Variants in CHD6 observed in about 807,000 individuals in gnomAD.
CHD6 encodes ATP-dependent chromatin remodeler CHD6.
Under a neutral mutation model 276.9 loss-of-function variants are expected in CHD6, and 50 were observed. The observed-to-expected ratio is 0.18, with a 90% CI of 0.14 to 0.23. The LOEUF (loss-of-function observed/expected upper bound fraction) is 0.23. Among genes scored for constraint, CHD6 ranks in the 10% least tolerant of loss-of-function variants. The pLI is 1.00. For missense variants in CHD6, 2,564 were observed against 3,365.8 expected (o/e 0.76, Z 5.89); for synonymous variants, 1,173 against 1,229.3 (o/e 0.95, Z 0.96).
At chr20:41,600,211 G>GAATA (rs1482400208) in intron 1 of CHD6, among the ~76,000 whole-genome samples, 1 of 152,136 alleles carries the variant, frequency 6.6e-6, no homozygotes, top group Non-Finnish European at 1.5e-5. Flanking sequence ...AATGTGTACT[G>GAATA]AATAAATGAA....
At chr20:41,555,584 C>T (rs1334731595) in intron 1 of CHD6, among the ~76,000 whole-genome samples, 4 of 150,200 alleles carry the variant, frequency 2.7e-5, no homozygotes, top group Non-Finnish European at 5.9e-5. Flanking sequence ...ACGGGGCGGC[C>T]GGGCAGAGAC....
rs147643284 is a variant in CHD6 at position 41,470,071 on chromosome 20, C to A, written c.2664+3251G>T. ...GGGTGCAAGGGCAAATGCCAAGGGG[C>A]GTGGGAATGTGTGTGTTTGTGTGGG... On this transcript the variant is annotated intron_variant, in intron 17 of 36. Coordinates refer to ENST00000373233, the MANE Select transcript of CHD6 (RefSeq NM_032221.5). 5.6e-3 allele frequency among the ~76,000 whole-genome samples: 853 copies of A among 152,270 alleles called. 8 individuals carry two copies. The highest frequency in any genetic ancestry group is 0.024 in the Middle Eastern group (7 of 294).
chr20:41,544,567 T>C (rs2045004076), intron 2 of CHD6, among the ~76,000 whole-genome samples: 1 of 152,006 alleles, frequency 6.6e-6, no homozygotes, highest in Admixed American at 6.6e-5. Context: ...AGTGACGTAT[T>C]TGATAACATT....
chr20:41,606,316 C>T (rs1359670253), intron 1 of CHD6, among the ~76,000 whole-genome samples: 1 of 152,130 alleles, frequency 6.6e-6, no homozygotes, highest in East Asian at 1.9e-4. Context: ...TCAAGACCAC[C>T]CTGGCTAACA....
chr20:41,496,118 A>G (rs1436174590), intron 8 of CHD6, among the ~76,000 whole-genome samples: 1 of 152,222 alleles, frequency 6.6e-6, no homozygotes, highest in Non-Finnish European at 1.5e-5. Context: ...GGACTGTTCT[A>G]TTGGTGCAGT....
At position 41,452,122 on chromosome 20, in the gene CHD6, T is replaced by C; in HGVS notation, c.3324-97A>G. The C allele has an allele frequency of 1.1e-6, 1 of 950,222 alleles. No homozygotes were observed. Among genetic ancestry groups the C allele is most frequent in the Non-Finnish European group, 1.7e-6 (1 of 603,060 alleles). The allele number at this position is 950,222 out of a possible 1,614,324, so 58.9% of individuals were successfully genotyped here. Reference sequence around the variant, plus strand: ...GGAGAAACAAGAGCCATACATGCTTTTTGTTCTCTGTAGGTCTGTTAATCA... The same window carrying C: ...GGAGAAACAAGAGCCATACATGCTTCTTGTTCTCTGTAGGTCTGTTAATCA... On this transcript the variant is annotated intron_variant, in intron 21 of 36. Transcript: ENST00000373233. This position sits in a 1 kb window ranked among gnomAD's most constrained non-coding sequence, Gnocchi z 4.2.
intron 1 of CHD6, among the ~76,000 whole-genome samples, chr20:41,584,290 G>A (rs1006601942): frequency 6.6e-6 from 1 of 152,088 alleles, no homozygotes; most frequent in Admixed American, 6.5e-5. Flanking sequence ...AAGATATAAC[G>A]ATCCTTAATA....
intron 1 of CHD6, among the ~76,000 whole-genome samples, chr20:41,595,227 A>G (rs2045705824): frequency 6.6e-6 from 1 of 152,180 alleles, no homozygotes; most frequent in African/African-American, 2.4e-5. Context: ...GCACAGACCA[A>G]TGTAAGAAAA....
intron 1 of CHD6, among the ~76,000 whole-genome samples, chr20:41,585,511 C>CAAAA (rs60920576): frequency 1.1e-4 from 8 of 74,206 alleles, no homozygotes; most frequent in Non-Finnish European, 2.2e-4. Context: ...TCCGTCTCAC[C>CAAAA]AAAAAAAAAA....
chr20:41,423,645 C>T lies in CHD6; in HGVS notation c.4402G>A (p.Val1468Ile), dbSNP rs140200067. ...FYRTVSSFGVVYDQEKKTFDW... is the reference protein window; with the variant it reads ...FYRTVSSFGVIYDQEKKTFDW... Reference sequence around the variant, plus strand: ...AAGGTTTTCTTTTCTTGATCGTAAACAACACCAAAGGAAGACACTGTTCTA... The same window carrying T: ...AAGGTTTTCTTTTCTTGATCGTAAATAACACCAAAGGAAGACACTGTTCTA... Residue 1468 changes from valine to isoleucine, a missense_variant, in exon 30 of 37, where the codon GTT (valine) becomes ATT (isoleucine). By Grantham distance (29) the Val-to-Ile change is conservative. Around this residue, in one of 7 missense-constraint regions of CHD6, gnomAD observed 515 missense variants for 739.5 expected, o/e 0.70. Coordinates refer to ENST00000373233, the MANE Select transcript of CHD6 (RefSeq NM_032221.5). 1.9e-6 allele frequency: 3 copies of T among 1,614,194 alleles called. No homozygotes were observed. Among genetic ancestry groups the T allele is most frequent in the Non-Finnish European group, 2.5e-6 (3 of 1,180,030 alleles).
intron 2 of CHD6, among the ~76,000 whole-genome samples, chr20:41,549,214 T>A (rs1384650701): frequency 1.3e-5 from 2 of 151,930 alleles, no homozygotes; most frequent in African/African-American, 4.8e-5. Context: ...TGTGGCACTA[T>A]TCACAATAGC....
At chr20:41,481,935 AACAG>A (rs2043305135) in intron 16 of CHD6, among the ~76,000 whole-genome samples, 1 of 152,128 alleles carries the variant, frequency 6.6e-6, no homozygotes, top group African/African-American at 2.4e-5. Context: ...TGCAGAAAAA[AACAG>A]ACTGAGAAGA....
chr20:41,591,375 T>TACACACACACACAC (rs1391046913), intron 1 of CHD6, among the ~76,000 whole-genome samples: 2 of 121,064 alleles, frequency 1.7e-5, no homozygotes, highest in Non-Finnish European at 3.2e-5. Flanking sequence ...CATATATATA[T>TACACACACACACAC]ATATACACAC....
intron 2 of CHD6, chr20:41,547,476 G>A (rs527933878): frequency 6.1e-5 from 22 of 362,360 alleles, no homozygotes; most frequent in East Asian, 3.5e-4. Flanking sequence ...GAGGTGCACC[G>A]GGGGTGAAGT....
intron 2 of CHD6, among the ~76,000 whole-genome samples, chr20:41,540,873 G>C (rs1487019021): frequency 1.3e-5 from 2 of 152,054 alleles, no homozygotes; most frequent in African/African-American, 4.8e-5. Flanking sequence ...AAAGGAAGTG[G>C]TAACTGTTTC....
At chr20:41,517,060 T>C (rs996129821) in intron 3 of CHD6, among the ~76,000 whole-genome samples, 3 of 152,168 alleles carry the variant, frequency 2.0e-5, no homozygotes, top group African/African-American at 7.2e-5. Context: ...TCACCCTTCA[T>C]ATGTCCCTAA....
At chr20:41,544,489 T>C (rs1461284284) in intron 2 of CHD6, among the ~76,000 whole-genome samples, 1 of 152,184 alleles carries the variant, frequency 6.6e-6, no homozygotes, top group Non-Finnish European at 1.5e-5. Context: ...TTACAGCTTC[T>C]TTATGCATAG....
At chr20:41,559,866 T>TAC (rs144874201) in intron 1 of CHD6, among the ~76,000 whole-genome samples, 73 of 151,446 alleles carry the variant, frequency 4.8e-4, no homozygotes, top group African/African-American at 1.7e-3. Context: ...GTACCACCTT[T>TAC]ACACACACAC....
intron 8 of CHD6, among the ~76,000 whole-genome samples, chr20:41,494,794 C>T (rs971552751): frequency 2.6e-5 from 4 of 152,188 alleles, no homozygotes; most frequent in African/African-American, 9.7e-5. Context: ...ACATCCCTGG[C>T]AAGCCTCTCA....
Sources: allele counts gnomAD v4.1 joint callset (sites outside exome capture counted in the v4.1 genomes callset), GRCh38; gene constraint gnomAD v4.1.1; regional missense constraint gnomAD v4.1.1; non-coding constraint Gnocchi (gnomAD v3.1); transcripts MANE v1.5; gene names NCBI Gene and HGNC (gene_info 2026-07-23, HGNC 2026-07-21).